Variants in ANO2 observed in about 807,000 individuals in gnomAD.
ANO2 encodes anoctamin 2, also known as anoctamin-2.
A neutral mutation model predicts 124.2 loss-of-function variants in ANO2; 101 were observed. The observed-to-expected ratio is 0.81, with a 90% CI of 0.69 to 0.96. The LOEUF (loss-of-function observed/expected upper bound fraction) is 0.96. Ranked by LOEUF, ANO2 falls within the 40% of genes least tolerant of loss-of-function variation. ANO2 has a pLI of 0.00. For missense variants in ANO2, 1,293 were observed against 1,274.5 expected (o/e 1.01, Z -0.22); for synonymous variants, 486 against 482.5 (o/e 1.01, Z -0.09).
At chr12:5,726,355 G>A (rs993093412) in intron 14 of ANO2, among the ~76,000 whole-genome samples, 1 of 152,154 alleles carries the variant, frequency 6.6e-6, no homozygotes, top group Non-Finnish European at 1.5e-5. Context: ...GTGGGGTAGC[G>A]AATTTGTCTC....
intron 14 of ANO2, among the ~76,000 whole-genome samples, chr12:5,696,344 A>C (rs1017587003): frequency 5.3e-5 from 8 of 152,240 alleles, no homozygotes; most frequent in Non-Finnish European, 1.2e-4. Context: ...AGATGTAGCA[A>C]TTCTTCAAAA....
At chr12:5,721,499 G>GTTT (rs531965246) in intron 14 of ANO2, among the ~76,000 whole-genome samples, 8 of 133,510 alleles carry the variant, frequency 6.0e-5, no homozygotes, top group African/African-American at 2.2e-4. Context: ...TTGGTTTTGG[G>GTTT]TTTTTTTTTT....
In ANO2 at chr12:5,925,380, G is replaced by A. The variant is rs1342086648; in HGVS notation, c.23-2576C>T. Among the ~76,000 whole-genome samples, 1 of 152,186 alleles carries A rather than the reference G, an allele frequency of 6.6e-6. No individual in the cohort carries two copies. The highest frequency in any genetic ancestry group is 1.5e-5 in the Non-Finnish European group (1 of 68,036). On this transcript the variant is annotated intron_variant, in intron 1 of 24. Coordinates refer to ENST00000682330, the MANE Select transcript of ANO2 (RefSeq NM_001364791.2). The surrounding 1 kb of genome is among the most constrained non-coding windows in gnomAD (Gnocchi z 4.6). ...CCCCCGGCTCGCTCTCTGACACACG[G>A]ATCCGGCTGCCTGGGAACTCTGCTT...
At chr12:5,680,823 A>G (rs1948457443) in intron 14 of ANO2, among the ~76,000 whole-genome samples, 2 of 152,212 alleles carry the variant, frequency 1.3e-5, no homozygotes, top group African/African-American at 4.8e-5. Context: ...AGTGGCAGCT[A>G]GGCACCTGCT....
intron 3 of ANO2, among the ~76,000 whole-genome samples, chr12:5,917,584 T>G (rs1941458402): frequency 6.9e-6 from 1 of 145,318 alleles, no homozygotes; most frequent in Non-Finnish European, 1.5e-5. Context: ...TTTTTTTTTT[T>G]GGAGACAGGG....
At position 5,638,237 on chromosome 12, in the gene ANO2, C is replaced by CTTTTTTTTTTTTTTTTTTTTTTTTTTTT. The variant is rs35224024; in HGVS notation, c.1621-2891_1621-2890insAAAAAAAAAAAAAAAAAAAAAAAAAAAA. Among the ~76,000 whole-genome samples, 2 of 124,850 alleles carry CTTTTTTTTTTTTTTTTTTTTTTTTTTTT rather than the reference C, an allele frequency of 1.6e-5. 1 individual carries two copies. The highest frequency in any genetic ancestry group is 3.4e-5 in the Non-Finnish European group (2 of 59,266). 81.9% of individuals were successfully genotyped at this position (124,850 alleles called of 152,430 possible). A position where few individuals can be genotyped will look rare whatever the true frequency, so the allele number is the denominator to read the frequency against. ...ATCTTCACTAGCACTGTTTCTTTTC[C>CTTTTTTTTTTTTTTTTTTTTTTTTTTTT]TTTTTTTTTTTTTTTTGAGACGGAG... On this transcript the variant is annotated intron_variant, in intron 15 of 24. Transcript: ENST00000682330.
intron 23 of ANO2, among the ~76,000 whole-genome samples, chr12:5,572,126 T>G (rs1039079192): frequency 3.9e-5 from 6 of 152,168 alleles, no homozygotes; most frequent in Non-Finnish European, 8.8e-5. Flanking sequence ...ACCCCTACAG[T>G]GGTACCCTGT....
chr12:5,841,026 G>A (rs1220539638), intron 4 of ANO2, among the ~76,000 whole-genome samples: 1 of 152,138 alleles, frequency 6.6e-6, no homozygotes, highest in East Asian at 1.9e-4. Context: ...CTGAAGAAGG[G>A]AGGAGCAAGA....
intron 23 of ANO2, among the ~76,000 whole-genome samples, chr12:5,574,616 G>A (rs1372851645): frequency 6.6e-6 from 1 of 152,078 alleles, no homozygotes; most frequent in Non-Finnish European, 1.5e-5. Flanking sequence ...TATTTCATGT[G>A]AAATAGCTCA....
intron 13 of ANO2, 88 bp downstream of exon 13, chr12:5,739,229 G>A (rs930112537): frequency 8.3e-7 from 1 of 1,209,932 alleles, no homozygotes; most frequent in East Asian, 2.5e-5. Flanking sequence ...AAACATACAT[G>A]GTTATCTCAC....
intron 16 of ANO2, among the ~76,000 whole-genome samples, chr12:5,617,595 A>G (rs1476297945): frequency 1.3e-5 from 2 of 149,842 alleles, no homozygotes; most frequent in Non-Finnish European, 3.0e-5. Flanking sequence ...CACCCTCAAG[A>G]TCACGATGTA....
At chr12:5,762,310 T>C (rs1591585443) in intron 10 of ANO2, among the ~76,000 whole-genome samples, 1 of 152,136 alleles carries the variant, frequency 6.6e-6, no homozygotes, top group Admixed American at 6.5e-5. Flanking sequence ...TTAGTAAATA[T>C]TTCCTGTTTG....
chr12:5,652,123 G>T (rs946968361), intron 14 of ANO2, among the ~76,000 whole-genome samples: 10 of 152,140 alleles, frequency 6.6e-5, no homozygotes, highest in African/African-American at 2.2e-4. Flanking sequence ...CCAAGAAATG[G>T]AATTACCAAG....
chr12:5,643,285 T>C (rs1048899379), intron 15 of ANO2, among the ~76,000 whole-genome samples: 5 of 152,246 alleles, frequency 3.3e-5, no homozygotes, highest in Admixed American at 3.3e-4. Context: ...AACAATATAG[T>C]TGAGTATTGT....
chr12:5,737,599 T>A lies in ANO2; in HGVS notation c.1434+1718A>T, dbSNP rs1300265727. ...ACACAGGCTTGGAGGCCAAAATGCA[T>A]CTTCTTCTCTTTTTTGGAAACATTC... On this transcript the variant is annotated intron_variant, in intron 13 of 24. Transcript: ENST00000682330. Among the ~76,000 whole-genome samples the A allele has an allele frequency of 3.3e-5, 5 of 151,898 alleles. No individual in the cohort carries two copies. The South Asian group carries it at 1.0e-3, about 32-fold the overall frequency.
chr12:5,796,802 G>A (rs939421538), intron 10 of ANO2, among the ~76,000 whole-genome samples: 1 of 152,166 alleles, frequency 6.6e-6, no homozygotes, highest in African/African-American at 2.4e-5. Flanking sequence ...CTCAAAATGA[G>A]GCCTGAAGGC....
intron 12 of ANO2, chr12:5,740,407 TG>T (rs1951050782): frequency 6.1e-6 from 1 of 165,198 alleles, no homozygotes; most frequent in African/African-American, 2.4e-5. Context: ...TTGAGTAAGT[TG>T]GAGTGAATTT....
chr12:5,888,320 G>A (rs910496341), intron 3 of ANO2, among the ~76,000 whole-genome samples: 6 of 152,164 alleles, frequency 3.9e-5, no homozygotes, highest in African/African-American at 1.2e-4. Context: ...TAAAAACAGT[G>A]TGGACCCAAA....
chr12:5,607,767 T>TCCTTATGA (rs1944293347), intron 19 of ANO2, among the ~76,000 whole-genome samples: 1 of 152,162 alleles, frequency 6.6e-6, no homozygotes, highest in Admixed American at 6.5e-5. Context: ...GGTTGTGTGC[T>TCCTTATGA]CCTTATGAGA....
Sources: gnomAD v4.1 joint callset for allele counts (sites outside exome capture counted in the v4.1 genomes callset) on GRCh38, gnomAD v4.1.1 for gene constraint, Gnocchi (gnomAD v3.1) non-coding constraint, MANE v1.5 for transcripts, NCBI Gene and HGNC (gene_info 2026-07-23, HGNC 2026-07-21) for gene names.